The following ANKRD62 variants were observed in gnomAD, a reference collection of about 807,000 sequenced individuals.
The protein encoded by ANKRD62 is ankyrin repeat domain-containing protein 62.
ANKRD62 carries 61 observed loss-of-function variants against 98.8 expected under a neutral mutation model. The observed-to-expected ratio is 0.62, with a 90% CI of 0.50 to 0.76. The LOEUF (loss-of-function observed/expected upper bound fraction) is 0.76, where lower values mean the gene tolerates loss of function less well. Ranked by LOEUF, ANKRD62 falls within the 30% of genes least tolerant of loss-of-function variation. The pLI is 0.00. For synonymous variants in ANKRD62, 341 were observed against 367.9 expected (o/e 0.93, Z 0.84); for missense variants, 933 against 1,082.9 (o/e 0.86, Z 1.94).
chr18:12,137,399 C>T, the ANKRD62 span, among the ~76,000 whole-genome samples: 1 of 152,026 alleles, frequency 6.6e-6, no homozygotes, highest in Non-Finnish European at 1.5e-5. Context: ...GGATGAAGCC[C>T]ACTTGATCAT....
In ANKRD62 at chr18:12,126,345, A is replaced by G; in HGVS notation, c.2524A>G (p.Arg842Gly). ...GAAGGAATGCACTCTTTTAAAAGAA[A>G]GACAATGCCAATATGAAAAAGAGAA... ...LMKECTLLKE[R>G]QCQYEKEKEE... The change falls in exon 13 of 14, where the codon AGA (arginine) becomes GGA (glycine). Residue 842 changes from arginine to glycine, a missense_variant. Around this residue, in one of 3 missense-constraint regions of ANKRD62, gnomAD observed 362 missense variants for 434.5 expected, o/e 0.83. Coordinates refer to ENST00000587848, the MANE Select transcript of ANKRD62 (RefSeq NM_001277333.2). 1 of 1,517,182 alleles carries G rather than the reference A, an allele frequency of 6.6e-7. No individual in the cohort carries two copies. Among genetic ancestry groups the G allele is most frequent in the Non-Finnish European group, 8.8e-7 (1 of 1,140,332 alleles). The allele number at this position is 1,517,182 out of a possible 1,614,324, so 94.0% of individuals were successfully genotyped here. A position where few individuals can be genotyped will look rare whatever the true frequency, so the allele number is the denominator to read the frequency against.
the ANKRD62 span, among the ~76,000 whole-genome samples, chr18:12,163,891 T>A: frequency 1.3e-5 from 2 of 152,016 alleles, no homozygotes; most frequent in South Asian, 2.1e-4. Flanking sequence ...ATGATTTTTT[T>A]AATATATTGT....
chr18:12,102,832 T>A, intron 6 of ANKRD62: 1 of 921,154 alleles, frequency 1.1e-6, no homozygotes. Context: ...TTAGTTTATC[T>A]GTTAATACTG....
the ANKRD62 span, among the ~76,000 whole-genome samples, chr18:12,155,901 T>C: frequency 2.0e-5 from 3 of 152,172 alleles, no homozygotes; most frequent in African/African-American, 7.2e-5. Context: ...GTTGGTGATA[T>C]GGCTTAGGTA....
At chr18:12,102,430 T>A in intron 6 of ANKRD62, 1 of 490,550 alleles carries the variant, frequency 2.0e-6, no homozygotes, top group Non-Finnish European at 3.9e-6. Flanking sequence ...CTCAGCCTCC[T>A]TGGGCACCGC....
chr18:12,105,388 A>C (rs1275972407), intron 7 of ANKRD62, among the ~76,000 whole-genome samples: 1 of 152,246 alleles, frequency 6.6e-6, no homozygotes, highest in Non-Finnish European at 1.5e-5. Flanking sequence ...ACAAAGACTT[A>C]AGAATGAGGC....
At chr18:12,105,703 A>G (rs947440661) in intron 7 of ANKRD62, among the ~76,000 whole-genome samples, 1 of 101,450 alleles carries the variant, frequency 9.9e-6, no homozygotes, top group Admixed American at 9.4e-5. Flanking sequence ...ATAATTGTGC[A>G]TAGAAATAGG....
At position 12,125,520 on chromosome 18, in the gene ANKRD62, G is replaced by T; in HGVS notation, c.1699G>T (p.Glu567Ter). ...LWQENHLMRD[E>*]IARLRLEIDT... ...GCAGGAAAATCACTTGATGCGGGATGAAATTGCCAGACTCAGGCTGGAAAT... is the reference window on the plus strand; with the variant it reads ...GCAGGAAAATCACTTGATGCGGGATTAAATTGCCAGACTCAGGCTGGAAAT... The change falls in exon 13 of 14, where the codon GAA (glutamate) becomes TAA (stop). Residue 567 changes from glutamate (E) to a stop codon, truncating the protein, a stop_gained. Coordinates refer to ENST00000587848, the MANE Select transcript of ANKRD62 (RefSeq NM_001277333.2). LOFTEE classifies it high-confidence loss of function. The T allele has an allele frequency of 6.6e-7, 1 of 1,504,606 alleles. No homozygotes were observed. The highest frequency in any genetic ancestry group is 8.8e-7 in the Non-Finnish European group (1 of 1,136,966). 93.2% of individuals were successfully genotyped at this position (1,504,606 alleles called of 1,614,324 possible). A position where few individuals can be genotyped will look rare whatever the true frequency, so the allele number is the denominator to read the frequency against.
the ANKRD62 span, among the ~76,000 whole-genome samples, chr18:12,170,745 T>G: frequency 2.0e-5 from 3 of 152,128 alleles, no homozygotes; most frequent in African/African-American, 4.8e-5. Flanking sequence ...AAGTCTCCCA[T>G]TATTATTGTG....
chr18:12,124,772 A>G (rs1909853650), intron 12 of ANKRD62, among the ~76,000 whole-genome samples: 2 of 152,220 alleles, frequency 1.3e-5, no homozygotes, highest in South Asian at 4.1e-4. Context: ...CATGGAAGTA[A>G]CTGTGATGTG....
chr18:12,158,869 T>G, the ANKRD62 span, among the ~76,000 whole-genome samples: 1 of 152,162 alleles, frequency 6.6e-6, no homozygotes, highest in African/African-American at 2.4e-5. Context: ...TAAAAATATT[T>G]CAGCTGGGCT....
chr18:12,153,829 C>G, the ANKRD62 span, among the ~76,000 whole-genome samples: 1 of 152,078 alleles, frequency 6.6e-6, no homozygotes, highest in Non-Finnish European at 1.5e-5. Flanking sequence ...TGTTCTTTGA[C>G]AAAGCTAACA....
At chr18:12,150,943 C>G in the ANKRD62 span, among the ~76,000 whole-genome samples, 5 of 152,200 alleles carry the variant, frequency 3.3e-5, no homozygotes, top group African/African-American at 1.2e-4. Context: ...TCAACACTAA[C>G]TTTATATGTA....
At chr18:12,137,601 T>C in the ANKRD62 span, among the ~76,000 whole-genome samples, 1 of 152,218 alleles carries the variant, frequency 6.6e-6, no homozygotes, top group South Asian at 2.1e-4. Context: ...TTCTATTGGT[T>C]GCAATAGTTT....
At chr18:12,173,595 C>T in the ANKRD62 span, among the ~76,000 whole-genome samples, 2 of 152,116 alleles carry the variant, frequency 1.3e-5, no homozygotes, top group Non-Finnish European at 2.9e-5. Context: ...TGCCACTGGC[C>T]TGTGTATGTC....
intron 1 of ANKRD62, 150 bp from the exon 2 acceptor site, chr18:12,095,021 T>C: frequency 1.5e-6 from 1 of 670,968 alleles, no homozygotes; most frequent in East Asian, 2.8e-5. Flanking sequence ...ACCTGGGATG[T>C]GGAAACCTTG....
chr18:12,097,257 C>CT (rs1598729332), intron 4 of ANKRD62, among the ~76,000 whole-genome samples: 1 of 152,266 alleles, frequency 6.6e-6, no homozygotes, highest in East Asian at 1.9e-4. Context: ...GCAGATAGCT[C>CT]TTATTGACCC....
chr18:12,094,994 C>T (rs1163989591), intron 1 of ANKRD62, among the ~76,000 whole-genome samples, 177 bp from the exon 2 acceptor site: 2 of 151,644 alleles, frequency 1.3e-5, no homozygotes, highest in Non-Finnish European at 2.9e-5. Context: ...GCTTTCTACC[C>T]TGGCAGCCTC....
At chr18:12,102,327 A>G (rs569893537) in intron 6 of ANKRD62, 21 of 701,536 alleles carry the variant, frequency 3.0e-5, no homozygotes, top group South Asian at 2.4e-4. Flanking sequence ...TGACAAGCCA[A>G]TGTACTCACT....
Sources: allele counts gnomAD v4.1 joint callset (sites outside exome capture counted in the v4.1 genomes callset), GRCh38; gene constraint gnomAD v4.1.1; regional missense constraint gnomAD v4.1.1; transcripts MANE v1.5; gene names NCBI Gene and HGNC (gene_info 2026-07-23, HGNC 2026-07-21).